SEMA3E: variants seen among roughly 807,000 people sequenced by gnomAD.
The protein encoded by SEMA3E is semaphorin 3E.
A neutral mutation model predicts 93.6 loss-of-function variants in SEMA3E; 49 were observed. The ratio of observed to expected loss-of-function variants is 0.52; its 90% confidence interval spans 0.42 to 0.66. The LOEUF is 0.66. SEMA3E is among the 30% of genes least tolerant of loss of function. SEMA3E has a pLI of 0.00. For missense variants in SEMA3E, 906 were observed against 964.8 expected, an observed-to-expected ratio of 0.94 and a Z score of 0.81; for synonymous variants, 363 against 330.7, an observed-to-expected ratio of 1.10 and a Z score of -1.06.
intron 12 of SEMA3E, among the ~76,000 whole-genome samples, chr7:83,396,041 ATGTGTGTGTGTG>A (rs3043167): frequency 6.7e-6 from 1 of 149,010 alleles, no homozygotes; most frequent in African/African-American, 2.5e-5. Context: ...ATACGACTTG[ATGTGTGTGTGTG>A]TGTGTGTGTG....
chr7:83,618,887 T>A (rs1324274288), intron 1 of SEMA3E, among the ~76,000 whole-genome samples: 1 of 151,888 alleles, frequency 6.6e-6, no homozygotes, highest in African/African-American at 2.4e-5. Flanking sequence ...TATATTTTCA[T>A]CACATATGAT....
intron 4 of SEMA3E, among the ~76,000 whole-genome samples, chr7:83,430,946 C>T (rs1168926051): frequency 6.6e-6 from 1 of 151,774 alleles, no homozygotes; most frequent in Non-Finnish European, 1.5e-5. Context: ...GACAAATGGG[C>T]AAAGTTCATT....
At chr7:83,370,467 C>T (rs1794735457) in intron 16 of SEMA3E, among the ~76,000 whole-genome samples, 1 of 152,058 alleles carries the variant, frequency 6.6e-6, no homozygotes, top group African/African-American at 2.4e-5. Flanking sequence ...CCTTCCTCAT[C>T]ACCATTTTTG....
chr7:83,434,705 A>ATT (rs1788964685), intron 4 of SEMA3E, among the ~76,000 whole-genome samples: 2 of 108,500 alleles, frequency 1.8e-5, no homozygotes, highest in African/African-American at 3.9e-5. Flanking sequence ...CCTCAACTGT[A>ATT]TTTCTTTTTT....
chr7:83,402,849 C>T, intron 9 of SEMA3E, 73 bp from the exon 10 acceptor site: 1 of 1,432,120 alleles, frequency 7.0e-7, no homozygotes, highest in Admixed American at 1.9e-5. Flanking sequence ...CCCCAGCCTA[C>T]AAAGATAAGA....
At chr7:83,577,818 A>G (rs922730779) in intron 1 of SEMA3E, among the ~76,000 whole-genome samples, 5 of 152,098 alleles carry the variant, frequency 3.3e-5, no homozygotes. Flanking sequence ...CAGAATATTG[A>G]AAGTAATTTA....
chr7:83,480,928 C>T (rs1790131921), intron 2 of SEMA3E, among the ~76,000 whole-genome samples: 1 of 152,076 alleles, frequency 6.6e-6, no homozygotes, highest in Non-Finnish European at 1.5e-5. Context: ...GAAACATATA[C>T]ATTTATTTTC....
chr7:83,380,758 T>C (rs992202949), intron 16 of SEMA3E, among the ~76,000 whole-genome samples: 1 of 151,990 alleles, frequency 6.6e-6, no homozygotes, highest in African/African-American at 2.4e-5. Context: ...AGAGCTAAGA[T>C]GTATTTATTC....
chr7:83,569,279 A>G (rs552189133), intron 1 of SEMA3E, among the ~76,000 whole-genome samples: 7 of 146,694 alleles, frequency 4.8e-5, no homozygotes, highest in African/African-American at 1.9e-4. Context: ...TTGATAACAC[A>G]CTCAAGAACA....
intron 4 of SEMA3E, among the ~76,000 whole-genome samples, chr7:83,459,175 C>G (rs1244016885): frequency 6.6e-6 from 1 of 151,462 alleles, no homozygotes; most frequent in Admixed American, 6.6e-5. Flanking sequence ...TGTTGAAAAC[C>G]AATGATAAAG....
At chr7:83,560,914 C>T (rs1792018224) in intron 1 of SEMA3E, among the ~76,000 whole-genome samples, 1 of 151,764 alleles carries the variant, frequency 6.6e-6, no homozygotes, top group South Asian at 2.1e-4. Flanking sequence ...TTGGGGTAAA[C>T]TTATTTTGTC....
intron 1 of SEMA3E, among the ~76,000 whole-genome samples, chr7:83,539,984 G>A (rs55905717): frequency 0.22 from 33,411 of 150,962 alleles, 3,882 homozygotes; most frequent in East Asian, 0.4. Flanking sequence ...TGGTTCAAGC[G>A]ATTCTCCTGC....
rs769453523 is a variant in SEMA3E at position 83,385,297 on chromosome 7, C to G, written c.1872G>C (p.Glu624Asp). Reference protein sequence around the residue: ...FVQKGRETRKEEVKTDDRVVK... With the variant: ...FVQKGRETRKDEVKTDDRVVK... ...TGAATATGCAGCTATGAATTACCTC[C>G]TCTTTTCTTGTCTCACGTCCTTTCT... Residue 624 changes from glutamate (E) to aspartate (D), a missense_variant, in exon 16 of 17, where the codon GAG becomes GAC. By Grantham distance (45) the Glu-to-Asp change is conservative (BLOSUM62 2). Coordinates refer to ENST00000643230, the MANE Select transcript of SEMA3E (RefSeq NM_012431.3). 2 of 1,613,042 alleles carry G rather than the reference C, an allele frequency of 1.2e-6. No individual in the cohort carries two copies. The highest frequency in any genetic ancestry group is 1.7e-5 in the Admixed American group (1 of 59,928).
intron 4 of SEMA3E, among the ~76,000 whole-genome samples, chr7:83,458,743 A>G (rs934717598): frequency 6.6e-6 from 1 of 151,912 alleles, no homozygotes; most frequent in Non-Finnish European, 1.5e-5. Flanking sequence ...ATATAAATCA[A>G]TAGAATTTTT....
intron 1 of SEMA3E, among the ~76,000 whole-genome samples, chr7:83,519,422 A>C (rs976297392): frequency 8.5e-5 from 13 of 152,160 alleles, no homozygotes; most frequent in Admixed American, 7.9e-4. Flanking sequence ...ACTCAAGCCT[A>C]TCACCCAGCT....
chr7:83,595,261 C>T (rs1792848437), intron 1 of SEMA3E, among the ~76,000 whole-genome samples: 5 of 151,982 alleles, frequency 3.3e-5, no homozygotes, highest in Admixed American at 2.0e-4. Context: ...CTTAAACAGC[C>T]GTTTTTCACA....
intron 2 of SEMA3E, among the ~76,000 whole-genome samples, chr7:83,475,076 A>G (rs1039767390): frequency 6.6e-6 from 1 of 151,820 alleles, no homozygotes; most frequent in African/African-American, 2.4e-5. Context: ...CCTTATCAAT[A>G]TGACTAGAAT....
intron 1 of SEMA3E, among the ~76,000 whole-genome samples, chr7:83,495,324 C>T (rs976817549): frequency 8.6e-5 from 13 of 151,874 alleles, no homozygotes; most frequent in Non-Finnish European, 1.5e-4. Context: ...AAGTGACTCA[C>T]ATGACTGGAT....
At chr7:83,604,265 T>G (rs1793057202) in intron 1 of SEMA3E, among the ~76,000 whole-genome samples, 1 of 152,070 alleles carries the variant, frequency 6.6e-6, no homozygotes, top group Non-Finnish European at 1.5e-5. Context: ...GGAAACTTCT[T>G]TCTTCAGATG....
Sources: gnomAD v4.1 joint callset for allele counts (sites outside exome capture counted in the v4.1 genomes callset) on GRCh38, gnomAD v4.1.1 for gene constraint, MANE v1.5 for transcripts, NCBI Gene and HGNC (gene_info 2026-07-23, HGNC 2026-07-21) for gene names.